SRGAP3: variants seen among roughly 807,000 people sequenced by gnomAD.
SRGAP3 encodes SLIT-ROBO Rho GTPase-activating protein 3.
A neutral mutation model predicts 121.1 loss-of-function variants in SRGAP3; 39 were observed. That is an observed-to-expected ratio of 0.32 (90% confidence interval 0.25 to 0.42). The LOEUF (loss-of-function observed/expected upper bound fraction) is 0.42. Among genes scored for constraint, SRGAP3 ranks in the 10% least tolerant of loss-of-function variants. SRGAP3 has a pLI of 1.00. For synonymous variants in SRGAP3, 601 were observed against 570.0 expected (o/e 1.05, Z -0.77); for missense variants, 1,213 against 1,470.6 (o/e 0.82, Z 2.86).
chr3:9,006,620 G>A (rs1247812001), intron 18 of SRGAP3, among the ~76,000 whole-genome samples: 1 of 152,142 alleles, frequency 6.6e-6, no homozygotes, highest in African/African-American at 2.4e-5. Flanking sequence ...AGACCAACAG[G>A]GGGAGGAGTC....
chr3:9,023,485 T>C (rs542674377), intron 14 of SRGAP3, among the ~76,000 whole-genome samples: 29 of 152,290 alleles, frequency 1.9e-4, no homozygotes, highest in African/African-American at 7.0e-4. Flanking sequence ...GCTCTTACTC[T>C]TCAAGCCTCA....
chr3:9,048,532 AAAGC>A (rs1945400044), intron 9 of SRGAP3, among the ~76,000 whole-genome samples: 1 of 152,222 alleles, frequency 6.6e-6, no homozygotes, highest in Admixed American at 6.5e-5. Context: ...GGATAAAAAG[AAAGC>A]AGAGCTGAGC....
intron 1 of SRGAP3, among the ~76,000 whole-genome samples, chr3:9,152,471 C>T (rs1390479311): frequency 1.3e-5 from 2 of 152,188 alleles, no homozygotes; most frequent in Non-Finnish European, 2.9e-5. Context: ...ATGATAGGTA[C>T]AAGCCCTAAA....
At chr3:9,201,497 G>A (rs991424188) in intron 1 of SRGAP3, among the ~76,000 whole-genome samples, 3 of 152,238 alleles carry the variant, frequency 2.0e-5, no homozygotes, top group African/African-American at 7.2e-5. Flanking sequence ...GAGGCAAGGA[G>A]CGTCCCCGCC....
intron 11 of SRGAP3, chr3:9,034,619 C>CAA (rs1944658129): frequency 6.6e-6 from 1 of 152,190 alleles, no homozygotes; most frequent in Non-Finnish European, 1.5e-5. Context: ...AATAACAGCA[C>CAA]AGATCAAAAT....
intron 14 of SRGAP3, among the ~76,000 whole-genome samples, chr3:9,022,788 C>T (rs989028321): frequency 1.3e-5 from 2 of 152,146 alleles, no homozygotes; most frequent in Non-Finnish European, 1.5e-5. Context: ...GAATGAGATT[C>T]GTTTTGGAAC....
At chr3:9,215,985 C>T (rs1404634567) in intron 1 of SRGAP3, among the ~76,000 whole-genome samples, 1 of 152,184 alleles carries the variant, frequency 6.6e-6, no homozygotes, top group East Asian at 1.9e-4. Flanking sequence ...CTAATAACTC[C>T]CCTCAGACAG....
At chr3:9,197,676 A>T (rs1951955247) in intron 1 of SRGAP3, among the ~76,000 whole-genome samples, 2 of 152,216 alleles carry the variant, frequency 1.3e-5, no homozygotes, top group South Asian at 4.1e-4. Flanking sequence ...AGATCCTGTG[A>T]TCCCAGATCA....
rs777384902 is a variant in SRGAP3 at position 9,109,569 on chromosome 3, G to A, written c.261-4727C>T. ...TGTGCTGGGCAGGACTAGGTGCTGC[G>A]AGTGCAGGAGCAACCAAGGCTGCAA... On this transcript the variant is annotated intron_variant, in intron 2 of 21. Transcript: ENST00000383836. This position sits in a 1 kb window ranked among gnomAD's most constrained non-coding sequence, Gnocchi z 4.4. Among the ~76,000 whole-genome samples, 2 of 152,268 alleles carry A rather than the reference G, an allele frequency of 1.3e-5. No homozygotes were observed. Among genetic ancestry groups the A allele is most frequent in the Middle Eastern group, 3.4e-3 (1 of 294 alleles).
In SRGAP3 at chr3:9,064,388, C is replaced by T; in HGVS notation, c.672+8G>A. ...CCCAATCGCTCCCAGCCCAGGGCCC[C>T]CACTCACCTTCTCCTTCATCTTCTC... is the stretch of plus-strand genomic sequence containing the variant. On this transcript the variant is annotated splice_region_variant and intron_variant, in intron 5 of 21. Transcript: ENST00000383836. 1 of 1,614,210 alleles carries T rather than the reference C, an allele frequency of 6.2e-7. No individual in the cohort carries two copies. Among genetic ancestry groups the T allele is most frequent in the Non-Finnish European group, 8.5e-7 (1 of 1,180,022 alleles).
intron 1 of SRGAP3, among the ~76,000 whole-genome samples, chr3:9,199,176 G>C (rs1013654047): frequency 1.3e-5 from 2 of 152,186 alleles, no homozygotes; most frequent in Non-Finnish European, 2.9e-5. Flanking sequence ...CGTTATCAGA[G>C]TTACTTAATT....
intron 12 of SRGAP3, among the ~76,000 whole-genome samples, chr3:9,028,592 G>A (rs1464004752): frequency 6.6e-6 from 1 of 152,190 alleles, no homozygotes; most frequent in Non-Finnish European, 1.5e-5. Context: ...CTGGAACAAT[G>A]TCTCTGGAAT....
At chr3:9,173,568 A>G (rs894291015) in intron 1 of SRGAP3, among the ~76,000 whole-genome samples, 38 of 152,294 alleles carry the variant, frequency 2.5e-4, no homozygotes, top group African/African-American at 8.4e-4. Context: ...CTGGAGGCTG[A>G]TAGGATGCTT....
At chr3:9,358,975 A>G (rs987899509) in intron 1 of SRGAP3, among the ~76,000 whole-genome samples, 4 of 152,218 alleles carry the variant, frequency 2.6e-5, no homozygotes, top group Non-Finnish European at 4.4e-5. Context: ...AGGGAGAATC[A>G]CAGAGTGATT....
intron 3 of SRGAP3, among the ~76,000 whole-genome samples, chr3:9,094,951 G>A (rs75086973): frequency 0.03 from 4,557 of 151,504 alleles, 85 homozygotes; most frequent in Middle Eastern, 0.12. Context: ...CTGTAGAGTT[G>A]GGGTCTCCCT....
At chr3:9,271,016 C>T (rs1385019527) in intron 3 of SRGAP3, among the ~76,000 whole-genome samples, 3 of 152,170 alleles carry the variant, frequency 2.0e-5, no homozygotes, top group Non-Finnish European at 4.4e-5. Context: ...TGGACTAAGG[C>T]TCACACTCCC....
At chr3:9,088,630 C>T (rs1380798054) in intron 3 of SRGAP3, among the ~76,000 whole-genome samples, 1 of 152,178 alleles carries the variant, frequency 6.6e-6, no homozygotes, top group Non-Finnish European at 1.5e-5. Context: ...GGATAAAACT[C>T]CCCCTCTCCT....
chr3:9,351,596 A>C (rs754277193), intron 1 of SRGAP3, among the ~76,000 whole-genome samples: 1 of 152,218 alleles, frequency 6.6e-6, no homozygotes, highest in Non-Finnish European at 1.5e-5. Context: ...GCTGCGTAAC[A>C]AAGTTTTAGT....
chr3:9,030,030 T>C (rs923312260), intron 12 of SRGAP3, among the ~76,000 whole-genome samples: 5 of 151,932 alleles, frequency 3.3e-5, no homozygotes, highest in African/African-American at 4.8e-5. Context: ...TGCATGCGTA[T>C]AGCCCCAGCT....
Sources: allele counts gnomAD v4.1 joint callset (sites outside exome capture counted in the v4.1 genomes callset), GRCh38; gene constraint gnomAD v4.1.1; non-coding constraint Gnocchi (gnomAD v3.1); transcripts MANE v1.5; gene names NCBI Gene and HGNC (gene_info 2026-07-23, HGNC 2026-07-21).